The following PCDH15 variants were observed in gnomAD, a reference collection of about 807,000 sequenced individuals.
PCDH15 encodes the protein protocadherin-15.
In PCDH15, 129 loss-of-function variants were observed where a neutral mutation model predicts 178.5. That is an observed-to-expected ratio of 0.72 (90% CI 0.63 to 0.84). The LOEUF is 0.84. PCDH15 is among the 40% of genes least tolerant of loss of function. The pLI is 0.00. For synonymous variants in PCDH15, 800 were observed against 732.0 expected, an observed-to-expected ratio of 1.09 and a Z score of -1.50; for missense variants, 2,230 against 2,099.9, an observed-to-expected ratio of 1.06 and a Z score of -1.21.
intron 1 of PCDH15, among the ~76,000 whole-genome samples, chr10:54,701,879 CA>C (rs1248745945): frequency 1.3e-5 from 2 of 152,002 alleles, no homozygotes; most frequent in Non-Finnish European, 2.9e-5. Context: ...AGCCCACTGA[CA>C]GTATTAGACA....
chr10:55,292,050 T>TC (rs1242295646), intron 1 of PCDH15, among the ~76,000 whole-genome samples: 3 of 149,754 alleles, frequency 2.0e-5, no homozygotes, highest in African/African-American at 7.3e-5. Flanking sequence ...ACCATATTAT[T>TC]CCCCCCTAGC....
intron 23 of PCDH15, among the ~76,000 whole-genome samples, chr10:53,955,001 C>T (rs1450424975): frequency 6.6e-6 from 1 of 152,210 alleles, no homozygotes; most frequent in African/African-American, 2.4e-5. Flanking sequence ...TCTTCACCTA[C>T]ACCATTTCCC....
intron 2 of PCDH15, among the ~76,000 whole-genome samples, chr10:55,501,749 T>A (rs537970026): frequency 6.6e-6 from 1 of 151,798 alleles, no homozygotes; most frequent in East Asian, 2.0e-4. Context: ...ACTAACAGAA[T>A]CTCAGTGAAG....
intron 3 of PCDH15, among the ~76,000 whole-genome samples, chr10:54,392,766 G>T (rs1950714147): frequency 6.6e-6 from 1 of 151,686 alleles, no homozygotes; most frequent in Non-Finnish European, 1.5e-5. Context: ...GGGCATGGTG[G>T]TGCGTTCCTG....
chr10:53,877,067 T>C (rs1006399525), intron 26 of PCDH15, among the ~76,000 whole-genome samples: 3 of 152,076 alleles, frequency 2.0e-5, no homozygotes, highest in African/African-American at 7.2e-5. Context: ...TTTAAAAAAT[T>C]ATATGGTAAA....
intron 1 of PCDH15, among the ~76,000 whole-genome samples, chr10:54,744,108 C>A (rs960973068): frequency 6.6e-6 from 1 of 152,074 alleles, no homozygotes; most frequent in African/African-American, 2.4e-5. Context: ...TTGTGAGATG[C>A]TTTATGGATA....
chr10:54,958,970 A>G (rs892136172), intron 2 of PCDH15, among the ~76,000 whole-genome samples: 1 of 151,966 alleles, frequency 6.6e-6, no homozygotes, highest in African/African-American at 2.4e-5. Flanking sequence ...GTGAGGAAAT[A>G]CTATACAAAT....
intron 1 of PCDH15, among the ~76,000 whole-genome samples, chr10:55,230,797 A>G (rs1376590368): frequency 6.6e-6 from 1 of 152,036 alleles, no homozygotes; most frequent in Admixed American, 6.6e-5. Context: ...TGGAAAAATT[A>G]TGGAAACCAG....
At chr10:54,963,922 G>T (rs954685063) in intron 2 of PCDH15, among the ~76,000 whole-genome samples, 1 of 152,164 alleles carries the variant, frequency 6.6e-6, no homozygotes, top group Non-Finnish European at 1.5e-5. Flanking sequence ...TGAGACAATG[G>T]TGATGGGAGG....
intron 1 of PCDH15, among the ~76,000 whole-genome samples, chr10:54,799,741 G>C (rs1226496751): frequency 3.3e-5 from 5 of 151,986 alleles, no homozygotes; most frequent in Non-Finnish European, 5.9e-5. Flanking sequence ...CAGTCAAGGG[G>C]ATCAAGTTGC....
At chr10:55,014,806 G>C (rs770608883) in intron 2 of PCDH15, among the ~76,000 whole-genome samples, 7 of 152,016 alleles carry the variant, frequency 4.6e-5, no homozygotes, top group Non-Finnish European at 1.0e-4. Flanking sequence ...TTTTTTAATT[G>C]AAATTAGTCC....
intron 24 of PCDH15, among the ~76,000 whole-genome samples, chr10:53,939,822 T>C (rs2085898552): frequency 6.6e-6 from 1 of 152,126 alleles, no homozygotes; most frequent in Non-Finnish European, 1.5e-5. Context: ...CACTCTGCTG[T>C]CTTCAAAGAA....
chr10:54,310,902 T>C (rs185211009), intron 8 of PCDH15, among the ~76,000 whole-genome samples: 1 of 151,986 alleles, frequency 6.6e-6, no homozygotes, highest in Non-Finnish European at 1.5e-5. Flanking sequence ...GGTACTTCCA[T>C]AAAAAAGCAA....
intron 1 of PCDH15, among the ~76,000 whole-genome samples, chr10:54,730,143 C>A (rs1943137488): frequency 6.6e-6 from 1 of 151,622 alleles, no homozygotes; most frequent in African/African-American, 2.4e-5. Flanking sequence ...GACATGGAAT[C>A]AACCTAAATG....
chr10:55,573,405 A>G (rs748424496), intron 2 of PCDH15, among the ~76,000 whole-genome samples: 2 of 152,118 alleles, frequency 1.3e-5, no homozygotes, highest in African/African-American at 2.4e-5. Flanking sequence ...CTGTCTTTCA[A>G]GATGAAGCTT....
chr10:54,201,468 T>C (rs1251931959), intron 10 of PCDH15, among the ~76,000 whole-genome samples: 1 of 152,014 alleles, frequency 6.6e-6, no homozygotes, highest in East Asian at 1.9e-4. Flanking sequence ...TAAATTCCAC[T>C]GTTCTATGCT....
chr10:55,442,483 A>AT (rs1363735624), intron 2 of PCDH15, among the ~76,000 whole-genome samples: 1 of 124,442 alleles, frequency 8.0e-6, no homozygotes, highest in African/African-American at 3.0e-5. Context: ...TATATATATT[A>AT]TATATATATA....
chr10:54,801,274 T>C (rs537499068), upstream of PCDH15: 15 of 152,344 alleles, frequency 9.8e-5, no homozygotes, highest in African/African-American at 3.6e-4. Context: ...TATCTGTCGC[T>C]ATTAGCTCAG....
intron 2 of PCDH15, among the ~76,000 whole-genome samples, chr10:55,445,131 T>C (rs1343856839): frequency 6.6e-6 from 1 of 152,126 alleles, no homozygotes; most frequent in Non-Finnish European, 1.5e-5. Flanking sequence ...AATTTGAAAT[T>C]ATACAAAAAT....
Sources: gnomAD v4.1 joint callset for allele counts (sites outside exome capture counted in the v4.1 genomes callset) on GRCh38, gnomAD v4.1.1 for gene constraint, MANE v1.5 for transcripts, NCBI Gene and HGNC (gene_info 2026-07-23, HGNC 2026-07-21) for gene names.